The following GPR153 variants were observed in gnomAD, a reference collection of about 807,000 sequenced individuals.
GPR153 encodes G protein-coupled receptor 153, also known as probable G protein-coupled receptor 153.
In GPR153, 27 loss-of-function variants were observed where a neutral mutation model predicts 34.1. The ratio of observed to expected loss-of-function variants is 0.79; its 90% confidence interval spans 0.58 to 1.09. GPR153 has a LOEUF of 1.09. Among genes scored for constraint, GPR153 ranks in the 50% least tolerant of loss-of-function variants. GPR153 has a pLI of 0.00. For synonymous variants in GPR153, 408 were observed against 405.4 expected (o/e 1.01, Z -0.08); for missense variants, 848 against 860.2 (o/e 0.99, Z 0.18).
At position 6,249,312 on chromosome 1, in the gene GPR153, G is replaced by A; in HGVS notation, c.*26C>T. The A allele has an allele frequency of 8.0e-7, 1 of 1,255,580 alleles. No homozygotes were observed. 77.8% of individuals were successfully genotyped at this position (1,255,580 alleles called of 1,614,324 possible). ...CCCGGAGAGCGGCCTGGCCTGCCTGGCGTCCGTGGGGAGGCGCCGGCGGTC... is the reference window on the plus strand; with the variant it reads ...CCCGGAGAGCGGCCTGGCCTGCCTGACGTCCGTGGGGAGGCGCCGGCGGTC... On this transcript the variant is annotated 3_prime_UTR_variant, in exon 6 of 6. Transcript: ENST00000377893. The surrounding 1 kb of genome is among the most constrained non-coding windows in gnomAD (Gnocchi z 4.3).
At position 6,249,387 on chromosome 1, in the gene GPR153, G is replaced by A; in HGVS notation, c.1781C>T (p.Ser594Phe). 3.6e-6 allele frequency: 5 copies of A among 1,370,600 alleles called. No homozygotes were observed. The highest frequency in any genetic ancestry group is 4.7e-6 in the Non-Finnish European group (5 of 1,068,066). The allele number at this position is 1,370,600 out of a possible 1,614,324, so 84.9% of individuals were successfully genotyped here. The change falls in exon 6 of 6, where the codon TCC becomes TTC. Residue 594 changes from serine (S) to phenylalanine (F), a missense_variant. Transcript: ENST00000377893. The surrounding 1 kb of genome is among the most constrained non-coding windows in gnomAD (Gnocchi z 4.3). The part of the protein sequence containing the change: ...TSSFLSSPSE[S>F]SGYATLHSDS... ...CGAGTGCAGCGTGGCGTAGCCCGAGGACTCGGAGGGGGAACTCAGGAAGCT... is the reference window on the plus strand; with the variant it reads ...CGAGTGCAGCGTGGCGTAGCCCGAGAACTCGGAGGGGGAACTCAGGAAGCT...
At position 6,249,651 on chromosome 1, in the gene GPR153, G is replaced by A. The variant is rs1219996386; in HGVS notation, c.1517C>T (p.Thr506Ile). The change falls in exon 6 of 6, where the codon ACC (threonine) becomes ATC (isoleucine). Residue 506 changes from threonine (T) to isoleucine (I), a missense_variant. Coordinates refer to ENST00000377893, the MANE Select transcript of GPR153 (RefSeq NM_207370.4). The surrounding 1 kb of genome is among the most constrained non-coding windows in gnomAD (Gnocchi z 4.3). Reference sequence around the variant, plus strand: ...GGCCTGTGGCTCGCACTCGAAGGCGGTCAGGGCGAAGGCGTCGGGCAGCAG... The same window carrying A: ...GGCCTGTGGCTCGCACTCGAAGGCGATCAGGGCGAAGGCGTCGGGCAGCAG... ...ASLLPDAFAL[T>I]AFECEPQALR... The A allele has an allele frequency of 6.2e-5, 67 of 1,088,586 alleles. No homozygotes were observed. The highest frequency in any genetic ancestry group is 4.1e-4 in the Middle Eastern group (1 of 2,468). The allele number at this position is 1,088,586 out of a possible 1,614,324, so 67.4% of individuals were successfully genotyped here.
intron 1 of GPR153, among the ~76,000 whole-genome samples, chr1:6,258,142 GTTCT>G (rs373368235): frequency 9.4e-5 from 14 of 148,348 alleles, no homozygotes; most frequent in African/African-American, 2.6e-4. Context: ...CTTGTCCAGA[GTTCT>G]TTCTTTTTTT....
rs1038100513 is a variant in GPR153, at chr1:6,260,932, G to A, written c.-217C>T. On this transcript the variant is annotated 5_prime_UTR_variant, in exon 1 of 6. Transcript: ENST00000377893. ...CAGGCCGCCGAGGGCCGCGGGGGTG[G>A]CTGGCGGCGGAGCGGCCCGCGGGCC... The A allele has an allele frequency of 6.8e-6, 1 of 146,622 alleles. No individual in the cohort carries two copies. The highest frequency in any genetic ancestry group is 2.5e-5 in the African/African-American group (1 of 40,800). The allele number at this position is 146,622 out of a possible 1,614,324, so 9.1% of individuals were successfully genotyped here.
At chr1:6,255,251 T>G (rs1571241864) in intron 1 of GPR153, among the ~76,000 whole-genome samples, 2 of 151,782 alleles carry the variant, frequency 1.3e-5, no homozygotes, top group Middle Eastern at 6.8e-3. Context: ...CAGGCTGGAG[T>G]GCAGTGGCGC....
At chr1:6,252,872 C>T (rs1488430245) in intron 3 of GPR153, among the ~76,000 whole-genome samples, 1 of 152,184 alleles carries the variant, frequency 6.6e-6, no homozygotes. Flanking sequence ...GGACCTCAGA[C>T]CTTTGTCGGC....
chr1:6,255,799 C>T (rs1007617020), intron 1 of GPR153, among the ~76,000 whole-genome samples: 24 of 151,622 alleles, frequency 1.6e-4, no homozygotes, highest in East Asian at 1.4e-3. Flanking sequence ...ATTACAGGCA[C>T]GCACCACCAC....
At chr1:6,258,468 G>A (rs1389867142) in intron 1 of GPR153, among the ~76,000 whole-genome samples, 1 of 152,178 alleles carries the variant, frequency 6.6e-6, no homozygotes, top group East Asian at 1.9e-4. Flanking sequence ...GAGCTTGGAG[G>A]TGCCGGGGAG....
Position 6,260,376 on chromosome 1 carries a change from TCCCC to T in GPR153, c.-110+445_-110+448del, listed in dbSNP as rs1258623746. 2.2e-4 allele frequency among the ~76,000 whole-genome samples: 3 copies of T among 13,488 alleles called. 1 individual carries two copies. The highest frequency in any genetic ancestry group is 1.7e-3 in the African/African-American group (3 of 1,784). 8.8% of individuals were successfully genotyped at this position (13,488 alleles called of 152,430 possible). A position where few individuals can be genotyped will look rare whatever the true frequency, so the allele number is the denominator to read the frequency against. ...CAGTCCCAACCCCCTGGGGCTCCGA[TCCCC>T]CCCCCCCCCCGCAATCCCCGCTCCG... is the stretch of plus-strand genomic sequence containing the variant. On this transcript the variant is annotated intron_variant, in intron 1 of 5. Transcript: ENST00000377893.
At position 6,253,661 on chromosome 1, in the gene GPR153, T is replaced by C; in HGVS notation, c.786+57A>G. 10 of 1,444,116 alleles carry C rather than the reference T, an allele frequency of 6.9e-6. No homozygotes were observed. The South Asian group carries it at 1.3e-4, about 18-fold the overall frequency. The allele number at this position is 1,444,116 out of a possible 1,614,324, so 89.5% of individuals were successfully genotyped here. The stretch of plus-strand genomic sequence containing the variant: ...ACTCAACCACCTGATGCCTGGAGTA[T>C]GAGCAGCCCCAGGGCTGTCCCAGAG... On this transcript the variant is annotated intron_variant, in intron 3 of 5. Transcript: ENST00000377893.
intron 1 of GPR153, among the ~76,000 whole-genome samples, chr1:6,259,497 A>T (rs1274371821): frequency 4.2e-4 from 61 of 144,138 alleles, no homozygotes; most frequent in Admixed American, 2.8e-4. Context: ...GGAAAAGGGC[A>T]TTTTTTTTTT....
At chr1:6,258,644 T>C (rs1638611838) in intron 1 of GPR153, among the ~76,000 whole-genome samples, 1 of 152,220 alleles carries the variant, frequency 6.6e-6, no homozygotes, top group African/African-American at 2.4e-5. Context: ...GCAAGAGGGC[T>C]GCAGACACCA....
rs547810477 is a variant in GPR153, at chr1:6,255,239, C to T, written c.-109-225G>A. On this transcript the variant is annotated intron_variant, in intron 1 of 5. Coordinates refer to ENST00000377893, the MANE Select transcript of GPR153 (RefSeq NM_207370.4). ...TTGGAGACAGAGTCTCGCTCCGTAG[C>T]CCAGGCTGGAGTGCAGTGGCGCAAT... is the stretch of plus-strand genomic sequence containing the variant. Among the ~76,000 whole-genome samples, 3 of 152,008 alleles carry T rather than the reference C, an allele frequency of 2.0e-5. No homozygotes were observed. In the South Asian group the frequency reaches 6.2e-4, roughly 32 times the overall value.
At position 6,248,062 on chromosome 1, in the gene GPR153, GGGCCACTGT is replaced by G. The variant is rs1233282882; in HGVS notation, c.*1267_*1275del. The G allele has an allele frequency of 6.6e-6, 1 of 152,476 alleles. No individual in the cohort carries two copies. Among genetic ancestry groups the G allele is most frequent in the Non-Finnish European group, 1.5e-5 (1 of 68,254 alleles). The allele number at this position is 152,476 out of a possible 1,614,324, so 9.4% of individuals were successfully genotyped here. A position where few individuals can be genotyped will look rare whatever the true frequency, so the allele number is the denominator to read the frequency against. ...AATTACCCCAGGTCTTCATATTGTG[GGGCCACTGT>G]GTAGGGGTAGGGGTCTGGAGGAGAC... is the stretch of plus-strand genomic sequence containing the variant. On this transcript the variant is annotated 3_prime_UTR_variant, in exon 6 of 6. Transcript: ENST00000377893.
intron 1 of GPR153, among the ~76,000 whole-genome samples, chr1:6,255,660 T>TTTG (rs1240449748): frequency 2.2e-5 from 3 of 139,236 alleles, no homozygotes; most frequent in African/African-American, 8.0e-5. Context: ...TTTTTTTTTT[T>TTTG]TTTTTTTTTT....
intron 2 of GPR153, 104 bp from the exon 3 acceptor site, chr1:6,254,251 C>A: frequency 9.5e-7 from 1 of 1,057,924 alleles, no homozygotes; most frequent in South Asian, 1.5e-5. Flanking sequence ...GCACCCCACA[C>A]CCCCAGTATA....
At chr1:6,259,406 G>A (rs1004737058) in intron 1 of GPR153, among the ~76,000 whole-genome samples, 10 of 152,200 alleles carry the variant, frequency 6.6e-5, no homozygotes, top group African/African-American at 9.6e-5. Context: ...CTGTTTGCCC[G>A]GCCAGCACTT....
Position 6,250,744 on chromosome 1 carries a change from G to A in GPR153, c.980-120C>T, listed in dbSNP as rs192760935. 6.6e-6 allele frequency: 4 copies of A among 606,028 alleles called. No homozygotes were observed. The Admixed American group carries it at 8.9e-5, about 14-fold the overall frequency. 37.5% of individuals were successfully genotyped at this position (606,028 alleles called of 1,614,324 possible). ...CCCAACAGACATATACAAGGTAGGG[G>A]GCTGGTTAGCTGAAAAGGGAATGGG... On this transcript the variant is annotated intron_variant, in intron 4 of 5. Transcript: ENST00000377893.
chr1:6,253,212 T>C (rs1638486973), intron 3 of GPR153, among the ~76,000 whole-genome samples: 1 of 151,798 alleles, frequency 6.6e-6, no homozygotes, highest in Non-Finnish European at 1.5e-5. Context: ...ACTAACATGG[T>C]GAAAACCTGT....
Sources: allele counts gnomAD v4.1 joint callset (sites outside exome capture counted in the v4.1 genomes callset), GRCh38; gene constraint gnomAD v4.1.1; non-coding constraint Gnocchi (gnomAD v3.1); transcripts MANE v1.5; gene names NCBI Gene and HGNC (gene_info 2026-07-23, HGNC 2026-07-21).